The following ANKS1B variants were observed in gnomAD, a reference collection of about 807,000 sequenced individuals.
ANKS1B encodes ankyrin repeat and sterile alpha motif domain containing 1B.
A neutral mutation model predicts 148.3 loss-of-function variants in ANKS1B; 36 were observed. That is an observed-to-expected ratio of 0.24 (90% CI 0.19 to 0.32). The LOEUF (loss-of-function observed/expected upper bound fraction) is 0.32, where lower values mean the gene tolerates loss of function less well. ANKS1B is among the 10% of genes least tolerant of loss of function. The pLI is 1.00. For missense variants in ANKS1B, 1,157 were observed against 1,542.6 expected (o/e 0.75, Z 4.19); for synonymous variants, 542 against 560.8 (o/e 0.97, Z 0.47).
At chr12:99,121,509 G>A (rs1429253341) in intron 15 of ANKS1B, among the ~76,000 whole-genome samples, 1 of 152,106 alleles carries the variant, frequency 6.6e-6, no homozygotes, top group African/African-American at 2.4e-5. Flanking sequence ...TGCATTAAAG[G>A]TCTTGCATTT....
chr12:98,879,056 C>T (rs2099699582), intron 17 of ANKS1B, among the ~76,000 whole-genome samples: 1 of 152,212 alleles, frequency 6.6e-6, no homozygotes, highest in South Asian at 2.1e-4. Context: ...CATATTTAGC[C>T]ACTCTGGGCT....
rs1298236684 is a variant in ANKS1B at position 99,154,802 on chromosome 12, T to C, written c.2420-407A>G. 34 of 1,493,130 alleles carry C rather than the reference T, an allele frequency of 2.3e-5. No individual in the cohort carries two copies. The Admixed American group carries it at 7.5e-4, about 33-fold the overall frequency. 92.5% of individuals were successfully genotyped at this position (1,493,130 alleles called of 1,614,324 possible). On this transcript the variant is annotated intron_variant, in intron 14 of 26. Coordinates refer to ENST00000683438, the MANE Select transcript of ANKS1B (RefSeq NM_001352186.2). Reference sequence around the variant, plus strand: ...GCCAGAATTCTTTTTTATCAAGTACTCCTACACTCATCAGTATGCAGCTCC... The same window carrying C: ...GCCAGAATTCTTTTTTATCAAGTACCCCTACACTCATCAGTATGCAGCTCC...
At chr12:99,620,259 G>T (rs1187772134) in intron 9 of ANKS1B, among the ~76,000 whole-genome samples, 1 of 152,126 alleles carries the variant, frequency 6.6e-6, no homozygotes, top group Non-Finnish European at 1.5e-5. Flanking sequence ...AGATGCATGA[G>T]AATAATTACA....
chr12:99,544,835 A>G (rs2097158291), intron 9 of ANKS1B, among the ~76,000 whole-genome samples: 1 of 152,184 alleles, frequency 6.6e-6, no homozygotes, highest in African/African-American at 2.4e-5. Context: ...AAAGTCTTAC[A>G]TAGTTTTCAC....
intron 1 of ANKS1B, among the ~76,000 whole-genome samples, chr12:99,938,931 A>T (rs2094848080): frequency 6.6e-6 from 1 of 152,204 alleles, no homozygotes; most frequent in Non-Finnish European, 1.5e-5. Context: ...TAAGGTGTAG[A>T]AGAAAACTGT....
At chr12:99,901,505 G>A (rs978046230) in intron 1 of ANKS1B, among the ~76,000 whole-genome samples, 2 of 152,274 alleles carry the variant, frequency 1.3e-5, no homozygotes, top group East Asian at 1.9e-4. Context: ...TCTGCACACT[G>A]TGGGAACACA....
chr12:99,381,722 T>C (rs1035207400), intron 12 of ANKS1B, among the ~76,000 whole-genome samples: 2 of 152,204 alleles, frequency 1.3e-5, no homozygotes, highest in Non-Finnish European at 2.9e-5. Context: ...TGTAGACAGC[T>C]CTTTCCAGGG....
At chr12:99,967,834 G>A (rs1292206924) in intron 1 of ANKS1B, among the ~76,000 whole-genome samples, 1 of 149,514 alleles carries the variant, frequency 6.7e-6, no homozygotes, top group African/African-American at 2.5e-5. Context: ...TTGAACCCAG[G>A]AGGCGGAGGT....
At chr12:99,417,767 T>A (rs1321846054) in intron 11 of ANKS1B, among the ~76,000 whole-genome samples, 2 of 151,886 alleles carry the variant, frequency 1.3e-5, no homozygotes, top group Non-Finnish European at 1.5e-5. Flanking sequence ...TAAAGAGGAG[T>A]TCACCGAGGC....
chr12:99,910,662 A>G (rs1007553558), intron 1 of ANKS1B, among the ~76,000 whole-genome samples: 1 of 152,178 alleles, frequency 6.6e-6, no homozygotes. Flanking sequence ...TAATATATTA[A>G]AAACCATCCA....
At chr12:99,152,063 AG>A (rs2075076624) in intron 15 of ANKS1B, among the ~76,000 whole-genome samples, 1 of 152,206 alleles carries the variant, frequency 6.6e-6, no homozygotes. Flanking sequence ...ACCACATTAA[AG>A]AAATATGTTT....
chr12:99,421,286 G>A (rs1343076034), intron 11 of ANKS1B, among the ~76,000 whole-genome samples: 1 of 152,200 alleles, frequency 6.6e-6, no homozygotes, highest in Non-Finnish European at 1.5e-5. Context: ...ACAATTTACA[G>A]AGGTGAAGGT....
intron 4 of ANKS1B, among the ~76,000 whole-genome samples, chr12:99,798,894 T>C (rs2066590715): frequency 6.6e-6 from 1 of 152,072 alleles, no homozygotes; most frequent in Non-Finnish European, 1.5e-5. Flanking sequence ...TATCACTTTC[T>C]GCTGCTTCTT....
intron 14 of ANKS1B, among the ~76,000 whole-genome samples, chr12:99,221,586 T>C (rs997618084): frequency 1.3e-5 from 2 of 152,034 alleles, no homozygotes; most frequent in Non-Finnish European, 2.9e-5. Flanking sequence ...CTTAAACATA[T>C]GAAAAAAAGC....
rs371651932 is a variant in ANKS1B at position 99,966,683 on chromosome 12, C to T, written c.134+17421G>A. On this transcript the variant is annotated intron_variant, in intron 1 of 26. Coordinates refer to ENST00000683438, the MANE Select transcript of ANKS1B (RefSeq NM_001352186.2). ...CAGCCTCCAAAGCACCATCACCATA[C>T]TAAATGCATAGTGTACACCTCAAGA... is the stretch of plus-strand genomic sequence containing the variant. 2.6e-5 allele frequency among the ~76,000 whole-genome samples: 4 copies of T among 152,300 alleles called. No homozygotes were observed. In the East Asian group the frequency reaches 7.7e-4, roughly 29 times the overall value.
intron 8 of ANKS1B, among the ~76,000 whole-genome samples, chr12:99,769,615 C>T (rs2063003788): frequency 1.3e-5 from 2 of 152,166 alleles, no homozygotes; most frequent in Admixed American, 1.3e-4. Context: ...GGGGTTATGG[C>T]TCCAGCTCCA....
intron 1 of ANKS1B, among the ~76,000 whole-genome samples, chr12:99,834,881 T>C (rs2084584903): frequency 6.6e-6 from 1 of 152,210 alleles, no homozygotes; most frequent in East Asian, 1.9e-4. Flanking sequence ...GGTCAGAGTA[T>C]GTAGGAATGG....
chr12:99,658,934 A>G (rs2097597538), intron 8 of ANKS1B, among the ~76,000 whole-genome samples: 1 of 152,206 alleles, frequency 6.6e-6, no homozygotes, highest in Admixed American at 6.5e-5. Context: ...TATCTCCTAC[A>G]ATGTGTTGTG....
Position 99,440,880 on chromosome 12 carries a change from T to C in ANKS1B, c.1575+2793A>G, listed in dbSNP as rs116715017. Among the ~76,000 whole-genome samples, 1,166 of 151,942 alleles carry C rather than the reference T, an allele frequency of 7.7e-3. 18 individuals are homozygous for C. Among genetic ancestry groups the C allele is most frequent in the African/African-American group, 0.027 (1,127 of 41,510 alleles). On this transcript the variant is annotated intron_variant, in intron 11 of 26. Transcript: ENST00000683438. ...ACCAATTTGCTACATCTAAGTAGTA[T>C]CTATTTTCAGTGAATGAGATAAAAG...
Sources: gnomAD v4.1 joint callset for allele counts (sites outside exome capture counted in the v4.1 genomes callset) on GRCh38, gnomAD v4.1.1 for gene constraint, MANE v1.5 for transcripts, NCBI Gene and HGNC (gene_info 2026-07-23, HGNC 2026-07-21) for gene names.